Variants in ACSL5 observed in about 807,000 individuals in gnomAD.
ACSL5 encodes long-chain-fatty-acid--CoA ligase 5.
Under a neutral mutation model 84.9 loss-of-function variants are expected in ACSL5, and 50 were observed. That is an observed-to-expected ratio of 0.59 (90% CI 0.47 to 0.75). The LOEUF is 0.75. ACSL5 is among the 30% of genes least tolerant of loss of function. The probability of loss-of-function intolerance (pLI) is 0.00; values close to 1 mark genes in which losing one functional copy is unlikely to be tolerated. For synonymous variants in ACSL5, 280 were observed against 300.7 expected (o/e 0.93, Z 0.71); for missense variants, 775 against 830.4 (o/e 0.93, Z 0.82).
chr10:112,420,964 C>T (rs1176496754), intron 14 of ACSL5, among the ~76,000 whole-genome samples: 1 of 152,012 alleles, frequency 6.6e-6, no homozygotes, highest in African/African-American at 2.4e-5. Context: ...TCAGGTGATC[C>T]TCCCGCCTTG....
At position 112,421,672 on chromosome 10, in the gene ACSL5, C is replaced by T; in HGVS notation, c.1387+7C>T. Reference sequence around the variant, plus strand: ...CCTGGGGACTGGACATCAGGTAAGTCCTCCATCTGCTGGGCAGGAGGTGCC... The same window carrying T: ...CCTGGGGACTGGACATCAGGTAAGTTCTCCATCTGCTGGGCAGGAGGTGCC... On this transcript the variant is annotated splice_region_variant and intron_variant, in intron 15 of 20. Coordinates refer to ENST00000354655, the MANE Select transcript of ACSL5 (RefSeq NM_203379.2). 1 of 1,611,876 alleles carries T rather than the reference C, an allele frequency of 6.2e-7. No homozygotes were observed. The highest frequency in any genetic ancestry group is 8.5e-7 in the Non-Finnish European group (1 of 1,177,996).
At chr10:112,380,979 A>T (rs1040128440) in intron 1 of ACSL5, among the ~76,000 whole-genome samples, 2 of 152,156 alleles carry the variant, frequency 1.3e-5, no homozygotes, top group African/African-American at 4.8e-5. Context: ...TATGTTGCTC[A>T]GGCTGGTCTC....
At chr10:112,424,134 GTC>G (rs1264958479) in intron 17 of ACSL5, among the ~76,000 whole-genome samples, 13 of 152,254 alleles carry the variant, frequency 8.5e-5, no homozygotes, top group Admixed American at 2.0e-4. Flanking sequence ...GCTAGTGTTT[GTC>G]TCTCATTGAC....
At chr10:112,376,456 G>T in intron 1 of ACSL5, 1 of 1,614,048 alleles carries the variant, frequency 6.2e-7, no homozygotes. Flanking sequence ...AGGGTAAGGG[G>T]ACCATCGAGG....
chr10:112,374,455 T>C (rs188726597), intron 1 of ACSL5, among the ~76,000 whole-genome samples, 186 bp downstream of exon 1: 313 of 152,074 alleles, frequency 2.1e-3, no homozygotes, highest in Non-Finnish European at 3.3e-3. Flanking sequence ...AAAAAATCAG[T>C]TGGAAAAGGG....
Position 112,410,601 on chromosome 10 carries a change from C to G in ACSL5, c.762C>G (p.Asp254Glu). 1.9e-6 allele frequency: 3 copies of G among 1,614,060 alleles called. No homozygotes were observed. Among genetic ancestry groups the G allele is most frequent in the Non-Finnish European group, 2.5e-6 (3 of 1,180,008 alleles). Residue 254 changes from aspartate to glutamate, a missense_variant, in exon 9 of 21, where the codon GAC becomes GAG. By Grantham distance (45) the Asp-to-Glu change is conservative (BLOSUM62 2). Coordinates refer to ENST00000354655, the MANE Select transcript of ACSL5 (RefSeq NM_203379.2). Reference protein sequence around the residue: ...FRKPVPPSPEDLSVICFTSGT... With the variant: ...FRKPVPPSPEELSVICFTSGT... ...TCCTCCAGCCTCCTAGCCCAGAAGA[C>G]CTGAGCGTCATCTGCTTCACCAGTG...
Position 112,420,820 on chromosome 10 carries a change from C to T in ACSL5, c.1315-773C>T, listed in dbSNP as rs184773799. Among the ~76,000 whole-genome samples the T allele has an allele frequency of 9.2e-5, 14 of 151,894 alleles. No individual in the cohort carries two copies. The East Asian group carries it at 2.5e-3, about 27-fold the overall frequency. On this transcript the variant is annotated intron_variant, in intron 14 of 20. Coordinates refer to ENST00000354655, the MANE Select transcript of ACSL5 (RefSeq NM_203379.2). ...TACTGCAACCTCCGCCTCCTGGGTT[C>T]AAGCAATTCTCCTGCCTTAGCCTCC...
chr10:112,409,484 T>C, intron 6 of ACSL5, 23 bp from the exon 7 acceptor site: 3 of 1,611,124 alleles, frequency 1.9e-6, no homozygotes, highest in Non-Finnish European at 2.5e-6. Flanking sequence ...GGGAATGACC[T>C]CTGGTTCTAT....
Position 112,404,563 on chromosome 10 carries a change from A to G in ACSL5, c.318A>G (p.Leu106=), listed in dbSNP as rs766958499. Reference sequence around the variant, plus strand: ...AACCAAACCAGCCCTACAGATGGCTATCTTACAAACAGGTAAGTTGAGTCC... The same window carrying G: ...AACCAAACCAGCCCTACAGATGGCTGTCTTACAAACAGGTAAGTTGAGTCC... ...YRKPNQPYRW[L]SYKQVSDRAE... The change falls in exon 4 of 21, where the codon CTA becomes CTG. Residue 106 remains leucine (L), a synonymous_variant. Transcript: ENST00000354655. The G allele has an allele frequency of 1.9e-6, 3 of 1,613,384 alleles. No homozygotes were observed. The highest frequency in any genetic ancestry group is 1.1e-5 in the South Asian group (1 of 91,064).
intron 3 of ACSL5, 65 bp from the exon 4 acceptor site, chr10:112,404,446 T>C: frequency 7.7e-7 from 1 of 1,300,984 alleles, no homozygotes; most frequent in South Asian, 1.2e-5. Context: ...TTAATCTCCT[T>C]TTAGCTTCCT....
intron 17 of ACSL5, among the ~76,000 whole-genome samples, chr10:112,424,118 G>T (rs892712223): frequency 3.3e-5 from 5 of 152,226 alleles, no homozygotes; most frequent in African/African-American, 9.6e-5. Flanking sequence ...TCAAGTGTTT[G>T]CAGAGGCTAG....
At chr10:112,376,868 G>GT (rs1277619662) in intron 1 of ACSL5, among the ~76,000 whole-genome samples, 1 of 152,044 alleles carries the variant, frequency 6.6e-6, no homozygotes, top group Non-Finnish European at 1.5e-5. Flanking sequence ...ATTTTAGGAA[G>GT]TAAGGCCACA....
chr10:112,392,833 TGAGCCCAC>T (rs1843673052), intron 1 of ACSL5, among the ~76,000 whole-genome samples: 1 of 152,014 alleles, frequency 6.6e-6, no homozygotes, highest in Non-Finnish European at 1.5e-5. Flanking sequence ...GAGGTTCACT[TGAGCCCAC>T]GAGGTTGAGG....
At chr10:112,401,794 TTC>T (rs1843902158) in intron 3 of ACSL5, among the ~76,000 whole-genome samples, 1 of 76,720 alleles carries the variant, frequency 1.3e-5, no homozygotes, top group East Asian at 3.1e-4. Context: ...TTCTCTTTCT[TTC>T]TTTCTTTCTT....
Position 112,426,273 on chromosome 10 carries a change from G to C in ACSL5, c.1753G>C (p.Val585Leu). Residue 585 changes from valine to leucine, a missense_variant, in exon 19 of 21, where the codon GTG becomes CTG. Val to Leu is a conservative substitution (Grantham distance 32). Transcript: ENST00000354655. ...GESLRSSLVG[V>L]VVPDTDVLPS... Reference sequence around the variant, plus strand: ...CTTTCCATAGTCATCCTTAGTAGGAGTGGTGGTTCCTGACACAGATGTACT... The same window carrying C: ...CTTTCCATAGTCATCCTTAGTAGGACTGGTGGTTCCTGACACAGATGTACT... 1 of 1,614,108 alleles carries C rather than the reference G, an allele frequency of 6.2e-7. No homozygotes were observed. The highest frequency in any genetic ancestry group is 8.5e-7 in the Non-Finnish European group (1 of 1,179,950).
rs758235381 is a variant in ACSL5 at position 112,410,655 on chromosome 10, A to C, written c.796+20A>C. On this transcript the variant is annotated intron_variant, in intron 9 of 20. Coordinates refer to ENST00000354655, the MANE Select transcript of ACSL5 (RefSeq NM_203379.2). ...CCACAGGTCTGTGCCCATGAAACTG[A>C]ACCTTAGACCCCTGGTCAGCCAAGA... is the stretch of plus-strand genomic sequence containing the variant. 6.2e-7 allele frequency: 1 copy of C among 1,610,144 alleles called. No individual in the cohort carries two copies.
intron 1 of ACSL5, among the ~76,000 whole-genome samples, chr10:112,383,505 G>T (rs1849391033): frequency 6.6e-6 from 1 of 152,250 alleles, no homozygotes; most frequent in Non-Finnish European, 1.5e-5. Flanking sequence ...TCGGCCCTGT[G>T]ACTCAGCCTT....
At chr10:112,375,082 C>T (rs963445260) in intron 1 of ACSL5, among the ~76,000 whole-genome samples, 12 of 152,146 alleles carry the variant, frequency 7.9e-5, no homozygotes, top group African/African-American at 2.9e-4. Flanking sequence ...CCTCATCTTC[C>T]CCTGGCCCTG....
chr10:112,386,314 C>T (rs1849452370), intron 1 of ACSL5, among the ~76,000 whole-genome samples: 1 of 150,560 alleles, frequency 6.6e-6, no homozygotes, highest in South Asian at 2.1e-4. Flanking sequence ...CTGCCTCAGC[C>T]TCCCTAGTAG....
Sources: allele counts gnomAD v4.1 joint callset (sites outside exome capture counted in the v4.1 genomes callset), GRCh38; gene constraint gnomAD v4.1.1; transcripts MANE v1.5; gene names NCBI Gene and HGNC (gene_info 2026-07-23, HGNC 2026-07-21).